The following MEGF10 variants were observed in gnomAD, a reference collection of about 807,000 sequenced individuals.
MEGF10 encodes the protein multiple EGF like domains 10.
MEGF10 carries 86 observed loss-of-function variants against 147.5 expected under a neutral mutation model. The ratio of observed to expected loss-of-function variants is 0.58; its 90% CI spans 0.49 to 0.70. The LOEUF (loss-of-function observed/expected upper bound fraction) is 0.70, where lower values mean the gene tolerates loss of function less well. Ranked by LOEUF, MEGF10 falls within the 30% of genes least tolerant of loss-of-function variation. The probability of loss-of-function intolerance (pLI) is 0.00; values close to 1 mark genes in which losing one functional copy is unlikely to be tolerated. For synonymous variants in MEGF10, 478 were observed against 525.5 expected, an observed-to-expected ratio of 0.91 and a Z score of 1.24; for missense variants, 1,329 against 1,487.3, an observed-to-expected ratio of 0.89 and a Z score of 1.75.
At chr5:127,423,553 T>G (rs1456278128) in intron 13 of MEGF10, among the ~76,000 whole-genome samples, 1 of 152,200 alleles carries the variant, frequency 6.6e-6, no homozygotes, top group African/African-American at 2.4e-5. Flanking sequence ...CTAGTTATTA[T>G]CTGACTTTTT....
intron 1 of MEGF10, among the ~76,000 whole-genome samples, chr5:127,317,668 C>T (rs866669936): frequency 1.3e-5 from 2 of 152,058 alleles, no homozygotes; most frequent in Non-Finnish European, 1.5e-5. Flanking sequence ...CCAAACACCC[C>T]GTGTTCTCAC....
At chr5:127,438,657 C>G in intron 17 of MEGF10, 90 bp downstream of exon 17, 1 of 1,437,364 alleles carries the variant, frequency 7.0e-7, no homozygotes, top group Non-Finnish European at 9.5e-7. Flanking sequence ...TGGAGCTCAA[C>G]AAAGGTCCCT....
In MEGF10 at chr5:127,449,262, C is replaced by T. The variant is rs759083340; in HGVS notation, c.2980+40C>T. Reference sequence around the variant, plus strand: ...CGCACGTCCCCAGAAGCACCTTGACCTGTCAGTCCCTGAAACAGTCACGGA... The same window carrying T: ...CGCACGTCCCCAGAAGCACCTTGACTTGTCAGTCCCTGAAACAGTCACGGA... On this transcript the variant is annotated intron_variant, in intron 22 of 24. Transcript: ENST00000503335. 9 of 1,607,256 alleles carry T rather than the reference C, an allele frequency of 5.6e-6. No homozygotes were observed. In the South Asian group the frequency reaches 1.0e-4, roughly 18 times the overall value.
chr5:127,454,201 A>G (rs563782573), intron 22 of MEGF10, among the ~76,000 whole-genome samples: 7 of 152,346 alleles, frequency 4.6e-5, no homozygotes, highest in Admixed American at 3.9e-4. Context: ...TTTGAAAACC[A>G]TCAGAGCCTT....
intron 1 of MEGF10, among the ~76,000 whole-genome samples, chr5:127,324,049 C>T (rs1271815862): frequency 6.6e-6 from 1 of 152,072 alleles, no homozygotes; most frequent in Non-Finnish European, 1.5e-5. Flanking sequence ...TAGAAGCCCA[C>T]TTATTCATTG....
intron 12 of MEGF10, among the ~76,000 whole-genome samples, chr5:127,421,488 C>T (rs1765001517): frequency 1.3e-5 from 2 of 152,148 alleles, no homozygotes; most frequent in Non-Finnish European, 2.9e-5. Context: ...GTAGTGCCTC[C>T]CTCATTTCCC....
intron 5 of MEGF10, among the ~76,000 whole-genome samples, chr5:127,385,304 AT>A (rs909363221): frequency 5.5e-4 from 82 of 148,228 alleles, no homozygotes; most frequent in Non-Finnish European, 6.3e-4. Context: ...GATATTTATA[AT>A]TTTTTTTTTT....
At chr5:127,451,222 C>T (rs1766143540) in intron 22 of MEGF10, among the ~76,000 whole-genome samples, 1 of 152,214 alleles carries the variant, frequency 6.6e-6, no homozygotes, top group African/African-American at 2.4e-5. Context: ...GACTGCTCCC[C>T]TTAAACACTG....
chr5:127,276,437 C>T, the MEGF10 span, among the ~76,000 whole-genome samples: 1 of 152,144 alleles, frequency 6.6e-6, no homozygotes, highest in East Asian at 1.9e-4. Flanking sequence ...ACTTTTATAG[C>T]AGGAGTGAGA....
intron 3 of MEGF10, 116 bp downstream of exon 3, chr5:127,339,337 C>T: frequency 1.5e-6 from 1 of 662,712 alleles, no homozygotes. Context: ...GTATTGAGGG[C>T]TTGCTCCTGT....
chr5:127,394,320 A>G (rs987011558), intron 5 of MEGF10, among the ~76,000 whole-genome samples: 4 of 152,240 alleles, frequency 2.6e-5, no homozygotes, highest in Admixed American at 2.6e-4. Context: ...TGTAGTATCT[A>G]GAGAAGAGCA....
At chr5:127,247,396 A>AAGGAGAAGG in the MEGF10 span, among the ~76,000 whole-genome samples, 1 of 42,294 alleles carries the variant, frequency 2.4e-5, no homozygotes, top group Admixed American at 2.7e-4. Flanking sequence ...GAAGAAGAAG[A>AAGGAGAAGG]AGAAGAAGAA....
the MEGF10 span, among the ~76,000 whole-genome samples, chr5:127,262,270 T>C: frequency 6.6e-6 from 1 of 151,138 alleles, no homozygotes; most frequent in Non-Finnish European, 1.5e-5. Context: ...TTAGATCCAT[T>C]TTGAGTTATT....
chr5:127,356,911 A>G (rs1272422339), intron 4 of MEGF10, among the ~76,000 whole-genome samples: 2 of 152,208 alleles, frequency 1.3e-5, no homozygotes, highest in African/African-American at 4.8e-5. Flanking sequence ...TTTTTTGACC[A>G]TGGAATTCCT....
chr5:127,452,750 G>C (rs1766202246), intron 22 of MEGF10, among the ~76,000 whole-genome samples: 1 of 152,120 alleles, frequency 6.6e-6, no homozygotes, highest in Admixed American at 6.5e-5. Context: ...CACTCCTATT[G>C]GGCAGGACAG....
At chr5:127,266,947 T>G in the MEGF10 span, among the ~76,000 whole-genome samples, 6 of 152,204 alleles carry the variant, frequency 3.9e-5, no homozygotes, top group Non-Finnish European at 8.8e-5. Flanking sequence ...GGCCAGAACT[T>G]CCAACACTAT....
chr5:127,386,660 T>G (rs1212081854), intron 5 of MEGF10, among the ~76,000 whole-genome samples: 3 of 152,228 alleles, frequency 2.0e-5, no homozygotes, highest in African/African-American at 7.2e-5. Flanking sequence ...ATAGAGTTAC[T>G]GGGCAATTTC....
intron 5 of MEGF10, among the ~76,000 whole-genome samples, chr5:127,386,275 G>C (rs1428684521): frequency 6.6e-6 from 1 of 152,200 alleles, no homozygotes; most frequent in Non-Finnish European, 1.5e-5. Context: ...TTTCAAGGTT[G>C]TATCTGTTGT....
chr5:127,252,408 A>G, the MEGF10 span, among the ~76,000 whole-genome samples: 2 of 151,824 alleles, frequency 1.3e-5, no homozygotes, highest in African/African-American at 4.8e-5. Flanking sequence ...GTGTATGGTA[A>G]AGCCATAATG....
Sources: gnomAD v4.1 joint callset for allele counts (sites outside exome capture counted in the v4.1 genomes callset) on GRCh38, gnomAD v4.1.1 for gene constraint, MANE v1.5 for transcripts, NCBI Gene and HGNC (gene_info 2026-07-23, HGNC 2026-07-21) for gene names.